Variants in PCSK5 observed in about 807,000 individuals in gnomAD.
PCSK5 encodes the protein proprotein convertase subtilisin/kexin type 5.
In PCSK5, 129 loss-of-function variants were observed where a neutral mutation model predicts 233.2. That is an observed-to-expected ratio of 0.55 (90% CI 0.48 to 0.64). PCSK5 has a LOEUF of 0.64. Ranked by LOEUF, PCSK5 falls within the 30% of genes least tolerant of loss-of-function variation. The probability of loss-of-function intolerance (pLI) is 0.00; values close to 1 mark genes in which losing one functional copy is unlikely to be tolerated. For synonymous variants in PCSK5, 825 were observed against 879.2 expected (o/e 0.94, Z 1.09); for missense variants, 2,076 against 2,430.1 (o/e 0.85, Z 3.06).
intron 3 of PCSK5, among the ~76,000 whole-genome samples, chr9:76,005,901 A>G (rs1194149664): frequency 1.3e-5 from 2 of 152,070 alleles, no homozygotes; most frequent in African/African-American, 2.4e-5. Context: ...GCTGGAGTGC[A>G]GTGGCACAAT....
intron 9 of PCSK5, among the ~76,000 whole-genome samples, chr9:76,120,692 T>C (rs981806335): frequency 3.3e-5 from 5 of 151,940 alleles, no homozygotes; most frequent in African/African-American, 1.2e-4. Flanking sequence ...TGTTTTTTTT[T>C]CCAGAATATA....
chr9:75,904,343 G>A (rs560503286), intron 1 of PCSK5, among the ~76,000 whole-genome samples: 201 of 152,266 alleles, frequency 1.3e-3, no homozygotes, highest in African/African-American at 4.6e-3. Flanking sequence ...CGTGAAGAAA[G>A]TGAAAGGACA....
chr9:76,062,018 G>A (rs1830046223), intron 5 of PCSK5, among the ~76,000 whole-genome samples: 1 of 152,168 alleles, frequency 6.6e-6, no homozygotes, highest in African/African-American at 2.4e-5. Context: ...AGGCTAAGAT[G>A]TGAAATTCAC....
chr9:76,144,628 A>G (rs570633016), intron 10 of PCSK5, among the ~76,000 whole-genome samples: 10 of 152,222 alleles, frequency 6.6e-5, no homozygotes, highest in Non-Finnish European at 1.0e-4. Flanking sequence ...TCTAATCGAC[A>G]GAAGTCCCAC....
chr9:76,249,219 CT>C (rs1203265929), intron 24 of PCSK5, among the ~76,000 whole-genome samples: 1 of 152,166 alleles, frequency 6.6e-6, no homozygotes, highest in Non-Finnish European at 1.5e-5. Context: ...GAGGATGCTA[CT>C]AAATATTCTA....
chr9:76,256,236 T>C (rs2131351974), intron 24 of PCSK5, among the ~76,000 whole-genome samples: 1 of 152,348 alleles, frequency 6.6e-6, no homozygotes, highest in Non-Finnish European at 1.5e-5. Context: ...AATTAGCTCA[T>C]CATCTTGGCT....
At chr9:76,343,333 TTGTGTGTGTGTG>T (rs57513234) in intron 35 of PCSK5, among the ~76,000 whole-genome samples, 48 of 133,902 alleles carry the variant, frequency 3.6e-4, no homozygotes, top group East Asian at 3.5e-3. Context: ...CCTGGGTAAT[TTGTGTGTGTGTG>T]TGTGTGTGTG....
intron 22 of PCSK5, among the ~76,000 whole-genome samples, chr9:76,238,526 T>G (rs991684326): frequency 2.6e-5 from 4 of 152,244 alleles, no homozygotes; most frequent in African/African-American, 9.6e-5. Flanking sequence ...TTTAAAAGAT[T>G]GCACTTTCAT....
chr9:76,019,668 T>C (rs894787601), intron 3 of PCSK5, among the ~76,000 whole-genome samples: 10 of 152,172 alleles, frequency 6.6e-5, no homozygotes, highest in African/African-American at 7.2e-5. Flanking sequence ...CTGTCTTTCA[T>C]TGAGCTGTGA....
chr9:76,023,634 G>A, intron 3 of PCSK5, 104 bp from the exon 4 acceptor site: 1 of 1,089,922 alleles, frequency 9.2e-7, no homozygotes, highest in Non-Finnish European at 1.3e-6. Context: ...CTACACTCCA[G>A]CCTGGGCAGC....
At chr9:76,257,300 GA>G (rs368573234) in intron 24 of PCSK5, among the ~76,000 whole-genome samples, 527 of 150,168 alleles carry the variant, frequency 3.5e-3, no homozygotes, top group East Asian at 7.8e-3. Context: ...TGGTTGAGGA[GA>G]AAAAAAAAAT....
At chr9:75,923,669 C>G (rs1823352109) in intron 1 of PCSK5, among the ~76,000 whole-genome samples, 1 of 152,148 alleles carries the variant, frequency 6.6e-6, no homozygotes, top group African/African-American at 2.4e-5. Flanking sequence ...GCTGCTGTAA[C>G]AAATTACTAC....
intron 6 of PCSK5, among the ~76,000 whole-genome samples, chr9:76,069,375 A>G: frequency 6.6e-6 from 1 of 151,948 alleles, no homozygotes; most frequent in East Asian, 1.9e-4. Flanking sequence ...CAAACCCAGA[A>G]ATCTTAATAA....
At chr9:76,151,420 T>C (rs1329813919) in intron 10 of PCSK5, among the ~76,000 whole-genome samples, 1 of 152,180 alleles carries the variant, frequency 6.6e-6, no homozygotes, top group Non-Finnish European at 1.5e-5. Context: ...TGGTTGTCTT[T>C]GAGTTCTCCT....
chr9:76,149,740 T>G (rs1337522017), intron 10 of PCSK5, among the ~76,000 whole-genome samples: 2 of 152,162 alleles, frequency 1.3e-5, no homozygotes, highest in Non-Finnish European at 2.9e-5. Context: ...ATGATGTGGG[T>G]TACATGGCTG....
chr9:76,000,030 ACAAAGGG>A (rs1299817343), intron 3 of PCSK5, among the ~76,000 whole-genome samples: 1 of 152,228 alleles, frequency 6.6e-6, no homozygotes, highest in African/African-American at 2.4e-5. Flanking sequence ...TATCCAGCTG[ACAAAGGG>A]CTAATATTCA....
At chr9:76,041,195 A>T (rs1829103438) in intron 5 of PCSK5, among the ~76,000 whole-genome samples, 1 of 152,242 alleles carries the variant, frequency 6.6e-6, no homozygotes, top group South Asian at 2.1e-4. Context: ...TTTATGTAAA[A>T]TAAAATACAC....
At chr9:76,173,496 CTTTTTTT>C (rs59248860) in intron 13 of PCSK5, among the ~76,000 whole-genome samples, 19 of 61,004 alleles carry the variant, frequency 3.1e-4, no homozygotes, top group Non-Finnish European at 4.3e-4. Flanking sequence ...GGCACGTTTC[CTTTTTTT>C]TTTTTTTTTT....
chr9:76,051,636 C>A (rs1324529802), intron 5 of PCSK5, among the ~76,000 whole-genome samples: 1 of 152,080 alleles, frequency 6.6e-6, no homozygotes, highest in Non-Finnish European at 1.5e-5. Context: ...CACATTGACC[C>A]CTCCAATTTC....
Sources: allele counts gnomAD v4.1 joint callset (sites outside exome capture counted in the v4.1 genomes callset), GRCh38; gene constraint gnomAD v4.1.1; transcripts MANE v1.5; gene names NCBI Gene and HGNC (gene_info 2026-07-23, HGNC 2026-07-21).